CASQ2: variants seen among roughly 807,000 people sequenced by gnomAD.
The protein encoded by CASQ2 is calsequestrin 2.
In CASQ2, 49 loss-of-function variants were observed where a neutral mutation model predicts 46.5. The observed-to-expected ratio is 1.05, with a 90% CI of 0.84 to 1.34. The LOEUF (loss-of-function observed/expected upper bound fraction) is 1.34. CASQ2 is among the 40% of genes most tolerant of loss of function. The pLI, the probability that CASQ2 is intolerant of heterozygous loss-of-function variation, is 0.00. For missense variants in CASQ2, 486 were observed against 481.3 expected, an observed-to-expected ratio of 1.01 and a Z score of -0.09; for synonymous variants, 174 against 168.5, an observed-to-expected ratio of 1.03 and a Z score of -0.25.
chr1:115,748,089 T>C (rs1401637899), intron 1 of CASQ2, among the ~76,000 whole-genome samples: 1 of 152,212 alleles, frequency 6.6e-6, no homozygotes, highest in Non-Finnish European at 1.5e-5. Context: ...TTGCTTTTTG[T>C]ACTTTTCAGT....
chr1:115,725,632 A>G (rs900852572), intron 6 of CASQ2, 79 bp from the exon 7 acceptor site: 15 of 1,520,710 alleles, frequency 9.9e-6, no homozygotes, highest in East Asian at 2.3e-5. Flanking sequence ...CAGCCACAGC[A>G]TTATGAAATG....
chr1:115,729,761 G>A (rs56801973), intron 5 of CASQ2, among the ~76,000 whole-genome samples: 4,598 of 152,238 alleles, frequency 0.03, 219 homozygotes, highest in African/African-American at 0.1. Flanking sequence ...AAAAGTAATC[G>A]CAGTTTTTGC....
chr1:115,768,556 G>A lies in CASQ2; in HGVS notation c.-15C>T, dbSNP rs755348930. The stretch of plus-strand genomic sequence containing the variant: ...GTTCTCTTCATTTGGGAAAACTTTT[G>A]TTTCTCGTTCCCAAATATGCTGTGT... On this transcript the variant is annotated 5_prime_UTR_variant, in exon 1 of 11. Transcript: ENST00000261448. 2.4e-5 allele frequency: 37 copies of A among 1,550,814 alleles called. No individual in the cohort carries two copies. The highest frequency in any genetic ancestry group is 2.9e-5 in the Non-Finnish European group (33 of 1,123,154).
chr1:115,761,408 GAA>G (rs1648931277), intron 1 of CASQ2, among the ~76,000 whole-genome samples: 1 of 62 alleles, frequency 0.016, no homozygotes, highest in African/African-American at 0.056. Context: ...AAAAAAAGAA[GAA>G]GAAGAAGAAG....
At chr1:115,729,416 A>C (rs1281617717) in intron 5 of CASQ2, among the ~76,000 whole-genome samples, 1 of 152,102 alleles carries the variant, frequency 6.6e-6, no homozygotes, top group African/African-American at 2.4e-5. Context: ...GATTGGTTGA[A>C]GCTTTTATTC....
At chr1:115,728,908 T>C (rs894304935) in intron 5 of CASQ2, among the ~76,000 whole-genome samples, 4 of 152,058 alleles carry the variant, frequency 2.6e-5, no homozygotes, top group Admixed American at 1.3e-4. Context: ...AAAAATTGGA[T>C]TGTCGTGTCC....
intron 2 of CASQ2, among the ~76,000 whole-genome samples, chr1:115,743,018 G>A (rs1204065705): frequency 6.6e-6 from 1 of 151,888 alleles, no homozygotes; most frequent in African/African-American, 2.4e-5. Flanking sequence ...TCGATCTCCT[G>A]ACCTTGTGAT....
chr1:115,712,213 G>A (rs568802863), intron 8 of CASQ2, among the ~76,000 whole-genome samples: 2 of 152,314 alleles, frequency 1.3e-5, no homozygotes, highest in African/African-American at 2.4e-5. Flanking sequence ...GAAGTCACCC[G>A]TGAGAGTCAG....
At chr1:115,729,233 A>T (rs1429484243) in intron 5 of CASQ2, among the ~76,000 whole-genome samples, 3 of 151,752 alleles carry the variant, frequency 2.0e-5, no homozygotes, top group African/African-American at 7.3e-5. Context: ...TATTTTTAGT[A>T]GAGATGGGGT....
chr1:115,714,155 G>C (rs770752104), intron 8 of CASQ2, among the ~76,000 whole-genome samples: 2 of 152,188 alleles, frequency 1.3e-5, no homozygotes, highest in Non-Finnish European at 1.5e-5. Context: ...ATGCTTCCCA[G>C]TGAGGTAAGC....
intron 10 of CASQ2, among the ~76,000 whole-genome samples, chr1:115,701,918 C>T (rs1359262296): frequency 2.0e-5 from 3 of 147,296 alleles, no homozygotes. Flanking sequence ...AACTGGCCCC[C>T]ATTCTTTTTT....
intron 1 of CASQ2, among the ~76,000 whole-genome samples, chr1:115,761,842 C>T (rs1332138338): frequency 2.0e-5 from 3 of 152,134 alleles, no homozygotes; most frequent in Non-Finnish European, 4.4e-5. Context: ...AGATAATCTG[C>T]ATGAGTCATC....
At chr1:115,701,705 A>C (rs760714556) in intron 10 of CASQ2, among the ~76,000 whole-genome samples, 5 of 152,224 alleles carry the variant, frequency 3.3e-5, no homozygotes, top group Admixed American at 6.5e-5. Flanking sequence ...CCCTCCAGGA[A>C]TGAGACTAGG....
intron 2 of CASQ2, among the ~76,000 whole-genome samples, 196 bp from the exon 3 acceptor site, chr1:115,741,024 C>A (rs980778780): frequency 6.6e-6 from 1 of 152,178 alleles, no homozygotes; most frequent in Non-Finnish European, 1.5e-5. Flanking sequence ...TGGAAATAGT[C>A]CAGAACAATT....
chr1:115,761,521 A>C, intron 1 of CASQ2, among the ~76,000 whole-genome samples: 1 of 106,760 alleles, frequency 9.4e-6, no homozygotes, highest in Non-Finnish European at 2.0e-5. Context: ...GAAGAAGAAG[A>C]AGAAGAAGAG....
intron 4 of CASQ2, among the ~76,000 whole-genome samples, chr1:115,733,392 G>A (rs148644878): frequency 1.6e-3 from 249 of 152,294 alleles, no homozygotes; most frequent in African/African-American, 5.7e-3. Context: ...AAGGAAATTC[G>A]TCTCACAGTG....
At chr1:115,765,146 C>T (rs759417420) in intron 1 of CASQ2, among the ~76,000 whole-genome samples, 2 of 152,170 alleles carry the variant, frequency 1.3e-5, no homozygotes, top group Non-Finnish European at 2.9e-5. Flanking sequence ...GTTACAGCAA[C>T]CTCCCTGCAC....
At chr1:115,741,338 A>G (rs1648172430) in intron 2 of CASQ2, among the ~76,000 whole-genome samples, 1 of 152,234 alleles carries the variant, frequency 6.6e-6, no homozygotes, top group African/African-American at 2.4e-5. Context: ...GTCACTGAGC[A>G]TTATTCTCTA....
At chr1:115,763,294 T>C (rs540981620) in intron 1 of CASQ2, among the ~76,000 whole-genome samples, 1 of 152,152 alleles carries the variant, frequency 6.6e-6, no homozygotes, top group East Asian at 1.9e-4. Flanking sequence ...ATAAATGGCA[T>C]GGATGAGGTG....
Sources: gnomAD v4.1 joint callset for allele counts (sites outside exome capture counted in the v4.1 genomes callset) on GRCh38, gnomAD v4.1.1 for gene constraint, MANE v1.5 for transcripts, NCBI Gene and HGNC (gene_info 2026-07-23, HGNC 2026-07-21) for gene names.